Variants in KIAA1217 observed in about 807,000 individuals in gnomAD.
KIAA1217 encodes the protein KIAA1217.
KIAA1217 carries 88 observed loss-of-function variants against 163.9 expected under a neutral mutation model. The ratio of observed to expected loss-of-function variants is 0.54; its 90% confidence interval spans 0.45 to 0.64. The LOEUF is 0.64. Among genes scored for constraint, KIAA1217 ranks in the 30% least tolerant of loss-of-function variants. The pLI is 0.00. For missense variants in KIAA1217, 2,372 were observed against 2,475.0 expected (o/e 0.96, Z 0.88); for synonymous variants, 903 against 923.1 (o/e 0.98, Z 0.39).
chr10:24,545,981 C>T lies in KIAA1217; in HGVS notation c.5489C>T (p.Ala1830Val), dbSNP rs1233242335. ...GDSSNLPNPP[A>V]TKPSIASNPL... is the part of the protein sequence containing the mutation. ...AGCTCTAACCTCCCTAATCCACCTG[C>T]TACTAAACCATCGATTGCTTCTAAC... The change falls in exon 21 of 21, where the codon GCT becomes GTT. Residue 1830 changes from alanine (A) to valine (V), a missense_variant. Physicochemically the swap from Ala to Val is moderately conservative, Grantham distance 64 (BLOSUM62 0). Coordinates refer to ENST00000376454, the MANE Select transcript of KIAA1217 (RefSeq NM_019590.5). 1.2e-6 allele frequency: 2 copies of T among 1,614,034 alleles called. No homozygotes were observed. The highest frequency in any genetic ancestry group is 2.2e-5 in the East Asian group (1 of 44,894).
intron 3 of KIAA1217, among the ~76,000 whole-genome samples, chr10:24,405,591 T>C (rs1252413797): frequency 1.3e-5 from 2 of 152,198 alleles, no homozygotes; most frequent in Non-Finnish European, 2.9e-5. Context: ...ATTTTTATGA[T>C]TAAAAGGCAG....
chr10:24,026,742 A>ATTTT lies in KIAA1217; in HGVS notation c.-171+19386_-171+19389dup. On this transcript the variant is annotated intron_variant, in intron 2 of 18. Coordinates refer to the KIAA1217 transcript ENST00000376462. Reference sequence around the variant, plus strand: ...TTGCTTTCTATTATCTATTTCATTGATTTTTTTTTTTTTTTTTTTTTGCTC... The same window carrying ATTTT: ...TTGCTTTCTATTATCTATTTCATTGATTTTTTTTTTTTTTTTTTTTTTTTTGCTC... 4.1e-3 allele frequency among the ~76,000 whole-genome samples: 287 copies of ATTTT among 70,004 alleles called. 1 individual carries two copies. Among genetic ancestry groups the ATTTT allele is most frequent in the African/African-American group, 0.016 (263 of 16,890 alleles). The allele number at this position is 70,004 out of a possible 152,430, so 45.9% of individuals were successfully genotyped here.
chr10:24,513,809 G>C (rs1213519623), intron 10 of KIAA1217, among the ~76,000 whole-genome samples: 1 of 147,736 alleles, frequency 6.8e-6, no homozygotes, highest in Non-Finnish European at 1.5e-5. Flanking sequence ...AAAACAGAGA[G>C]AGTTGCAGCT....
chr10:24,158,338 C>A (rs1589714961), intron 2 of KIAA1217: 2 of 670,722 alleles, frequency 3.0e-6, no homozygotes, highest in East Asian at 6.2e-5. Context: ...AGAAGGTCAC[C>A]TTGATGACAC....
intron 1 of KIAA1217, among the ~76,000 whole-genome samples, chr10:23,705,275 A>G (rs1362744627): frequency 6.6e-6 from 1 of 152,034 alleles, no homozygotes; most frequent in Non-Finnish European, 1.5e-5. Flanking sequence ...AAGTTTTAAT[A>G]TGTTGATGAA....
At chr10:24,201,927 C>G (rs1394418802) in intron 2 of KIAA1217, among the ~76,000 whole-genome samples, 3 of 99,118 alleles carry the variant, frequency 3.0e-5, no homozygotes, top group African/African-American at 1.0e-4. Flanking sequence ...CCTGATCACC[C>G]CTGATCCTCC....
intron 1 of KIAA1217, among the ~76,000 whole-genome samples, chr10:23,956,161 T>C (rs1844548525): frequency 6.6e-6 from 1 of 152,166 alleles, no homozygotes. Flanking sequence ...TTAGGAACAC[T>C]CTCTAATGGC....
rs990759989 is a variant in KIAA1217, at chr10:23,910,301, A to G, written c.-320-96924A>G. On this transcript the variant is annotated intron_variant, in intron 1 of 18. Coordinates refer to the KIAA1217 transcript ENST00000376462. ...TACCCCAGAACTTAAAGTATAAAAA[A>G]AAAAGAAAAGAAAAGAAAGCTAAGG... is the stretch of plus-strand genomic sequence containing the variant. Among the ~76,000 whole-genome samples, 119 of 152,248 alleles carry G rather than the reference A, an allele frequency of 7.8e-4. 1 individual carries two copies. Among genetic ancestry groups the G allele is most frequent in the African/African-American group, 2.3e-3 (94 of 41,564 alleles).
intron 8 of KIAA1217, among the ~76,000 whole-genome samples, chr10:24,501,158 C>G (rs1191876833): frequency 7.2e-5 from 11 of 152,230 alleles, no homozygotes; most frequent in Admixed American, 2.0e-4. Context: ...GCATAGGCAG[C>G]TCTGTGGCCT....
intron 2 of KIAA1217, among the ~76,000 whole-genome samples, chr10:24,357,509 C>T (rs2049264031): frequency 6.6e-6 from 1 of 152,182 alleles, no homozygotes; most frequent in Non-Finnish European, 1.5e-5. Context: ...TATGCCAGCA[C>T]AAAGCTTAAT....
At chr10:23,711,059 C>A (rs905670583) in intron 1 of KIAA1217, among the ~76,000 whole-genome samples, 42 of 152,116 alleles carry the variant, frequency 2.8e-4, no homozygotes, top group African/African-American at 9.9e-4. Context: ...TAGATGTGAG[C>A]ACCACAAGCT....
At chr10:24,041,959 T>C (rs1406084767) in intron 2 of KIAA1217, among the ~76,000 whole-genome samples, 3 of 152,204 alleles carry the variant, frequency 2.0e-5, no homozygotes, top group South Asian at 2.1e-4. Flanking sequence ...TGTGTGTGTG[T>C]GTGCGTTTCA....
chr10:24,213,724 A>T (rs192804205), intron 1 of KIAA1217, among the ~76,000 whole-genome samples: 3 of 152,338 alleles, frequency 2.0e-5, no homozygotes, highest in Admixed American at 2.0e-4. Flanking sequence ...TTGACACAGA[A>T]TGCTTTTCTG....
intron 2 of KIAA1217, among the ~76,000 whole-genome samples, chr10:24,116,768 T>C (rs2063071404): frequency 1.3e-5 from 2 of 152,192 alleles, no homozygotes; most frequent in South Asian, 4.1e-4. Flanking sequence ...TAATTTTTCA[T>C]AGTCATTTTC....
At chr10:24,275,303 G>A (rs374114879) in intron 2 of KIAA1217, among the ~76,000 whole-genome samples, 19 of 152,198 alleles carry the variant, frequency 1.2e-4, no homozygotes, top group Admixed American at 9.2e-4. Flanking sequence ...AAATAGTGAA[G>A]TCACTCACAC....
At chr10:24,094,414 G>A (rs1343249455) in intron 2 of KIAA1217, among the ~76,000 whole-genome samples, 1 of 152,154 alleles carries the variant, frequency 6.6e-6, no homozygotes, top group Non-Finnish European at 1.5e-5. Flanking sequence ...TTTTTGGTGT[G>A]GATGTCCTTT....
chr10:24,115,447 A>G (rs919465221), intron 2 of KIAA1217, among the ~76,000 whole-genome samples: 5 of 152,072 alleles, frequency 3.3e-5, no homozygotes, highest in South Asian at 2.1e-4. Flanking sequence ...CTATTCTGGG[A>G]AAAAAAATGT....
At chr10:24,116,712 C>A (rs2063068917) in intron 2 of KIAA1217, among the ~76,000 whole-genome samples, 1 of 152,120 alleles carries the variant, frequency 6.6e-6, no homozygotes. Context: ...TAGCTCCGCA[C>A]ACACAATTTA....
At chr10:24,330,699 T>G (rs2045561431) in intron 2 of KIAA1217, among the ~76,000 whole-genome samples, 1 of 152,036 alleles carries the variant, frequency 6.6e-6, no homozygotes, top group South Asian at 2.1e-4. Context: ...CACTGTAACC[T>G]CCTCCTACCA....
Sources: gnomAD v4.1 joint callset for allele counts (sites outside exome capture counted in the v4.1 genomes callset) on GRCh38, gnomAD v4.1.1 for gene constraint, MANE v1.5 for transcripts, NCBI Gene and HGNC (gene_info 2026-07-23, HGNC 2026-07-21) for gene names.